Variants in PCDHA6 observed in about 807,000 individuals in gnomAD.
The protein encoded by PCDHA6 is protocadherin alpha 6, also known as protocadherin alpha-6.
A neutral mutation model predicts 60.3 loss-of-function variants in PCDHA6; 55 were observed. That is an observed-to-expected ratio of 0.91 (90% CI 0.73 to 1.14). The LOEUF (loss-of-function observed/expected upper bound fraction) is 1.14, where lower values mean the gene tolerates loss of function less well. Ranked by LOEUF, PCDHA6 falls within the 50% of genes most tolerant of loss-of-function variation. The pLI, the probability that PCDHA6 is intolerant of heterozygous loss-of-function variation, is 0.00. For synonymous variants in PCDHA6, 652 were observed against 557.9 expected, an observed-to-expected ratio of 1.17 and a Z score of -2.38; for missense variants, 1,327 against 1,256.5, an observed-to-expected ratio of 1.06 and a Z score of -0.85.
rs79336587 is a variant in PCDHA6 at position 140,997,550 on chromosome 5, C to T, written c.2543-12077C>T. Reference sequence around the variant, plus strand: ...ATAAAAATACATTATTATAATCTTACAGGACAACTGTCATATGTGTGGTCC... The same window carrying T: ...ATAAAAATACATTATTATAATCTTATAGGACAACTGTCATATGTGTGGTCC... On this transcript the variant is annotated intron_variant, in intron 3 of 3. Coordinates refer to ENST00000529310, the MANE Select transcript of PCDHA6 (RefSeq NM_018909.4). Among the ~76,000 whole-genome samples, 1,283 of 152,208 alleles carry T rather than the reference C, an allele frequency of 8.4e-3. 21 individuals carry two copies. The highest frequency in any genetic ancestry group is 0.029 in the African/African-American group (1,211 of 41,522).
intron 1 of PCDHA6, chr5:140,927,861 C>T (rs782305822): frequency 1.2e-6 from 2 of 1,614,042 alleles, no homozygotes; most frequent in East Asian, 2.2e-5. Context: ...TAGCTAGCAC[C>T]GCTAAACTGC....
rs1419215366 is a variant in PCDHA6, at chr5:141,010,888, T to G, written c.*951T>G. 2 of 153,748 alleles carry G rather than the reference T, an allele frequency of 1.3e-5. No homozygotes were observed. The highest frequency in any genetic ancestry group is 2.9e-5 in the Non-Finnish European group (2 of 68,032). The allele number at this position is 153,748 out of a possible 1,614,324, so 9.5% of individuals were successfully genotyped here. On this transcript the variant is annotated 3_prime_UTR_variant, in exon 4 of 4. Coordinates refer to ENST00000529310, the MANE Select transcript of PCDHA6 (RefSeq NM_018909.4). Reference sequence around the variant, plus strand: ...AGCTATAAATCTTTAAAGAGAAATATGAATACAATTCCCCTAAACTCTCCT... The same window carrying G: ...AGCTATAAATCTTTAAAGAGAAATAGGAATACAATTCCCCTAAACTCTCCT...
chr5:140,876,870 G>A (rs1278762768), intron 1 of PCDHA6: 2 of 1,614,000 alleles, frequency 1.2e-6, no homozygotes, highest in Non-Finnish European at 1.7e-6. Flanking sequence ...TCGTGAAGGA[G>A]AACAACCCGC....
rs2093299605 is a variant in PCDHA6 at position 140,942,442 on chromosome 5, TA to T, written c.2395-36504del. 4.0e-5 allele frequency among the ~76,000 whole-genome samples: 6 copies of T among 151,626 alleles called. No homozygotes were observed. In the South Asian group the frequency reaches 1.2e-3, roughly 31 times the overall value. ...AAAAAGATATCTAACAATAAACAAG[TA>T]AACTATCAATTATAATACAATCAAA... On this transcript the variant is annotated intron_variant, in intron 1 of 3. Coordinates refer to ENST00000529310, the MANE Select transcript of PCDHA6 (RefSeq NM_018909.4).
At position 140,856,900 on chromosome 5, in the gene PCDHA6, C is replaced by T. The variant is rs782598308; in HGVS notation, c.2394+26415C>T. On this transcript the variant is annotated intron_variant, in intron 1 of 3. Coordinates refer to ENST00000529310, the MANE Select transcript of PCDHA6 (RefSeq NM_018909.4). ...TGATGTATTCATTTAGCTCTTTGGT[C>T]CCACCCACGATAAGAAGGAAATTTT... The T allele has an allele frequency of 1.0e-5, 16 of 1,596,132 alleles. No homozygotes were observed. In the East Asian group the frequency reaches 2.7e-4, roughly 27 times the overall value.
chr5:140,875,356 G>A (rs2055432006), intron 1 of PCDHA6: 4 of 1,446,352 alleles, frequency 2.8e-6, no homozygotes, highest in East Asian at 2.5e-5. Context: ...TGACTGTGAT[G>A]CTGGAAAAAA....
chr5:140,900,840 T>A (rs6874218), intron 1 of PCDHA6, among the ~76,000 whole-genome samples: 3 of 151,950 alleles, frequency 2.0e-5, no homozygotes, highest in Non-Finnish European at 4.4e-5. Context: ...ATGTACAAAG[T>A]TTCCCTTTTT....
At position 140,829,584 on chromosome 5, in the gene PCDHA6, G is replaced by C. The variant is rs1198811288; in HGVS notation, c.1493G>C (p.Arg498Pro). ...GTGTCCTACTCGCTGGTGGAGCGGC[G>C]GGTGGGCGAGCGCGCGTTGTCGAGC... is the stretch of plus-strand genomic sequence containing the variant. ...ALVSYSLVERRVGERALSSYI... is the reference protein window; with the variant it reads ...ALVSYSLVERPVGERALSSYI... Residue 498 changes from arginine to proline, a missense_variant, in exon 1 of 4, where the codon CGG becomes CCG. Arg to Pro is a moderately radical substitution (Grantham distance 103, BLOSUM62 -2). Transcript: ENST00000529310. The C allele has an allele frequency of 4.3e-6, 7 of 1,612,242 alleles. No homozygotes were observed. In the East Asian group the frequency reaches 1.3e-4, roughly 31 times the overall value.
intron 3 of PCDHA6, among the ~76,000 whole-genome samples, chr5:141,007,690 C>T (rs2098341020): frequency 6.6e-6 from 1 of 152,224 alleles, no homozygotes; most frequent in Non-Finnish European, 1.5e-5. Flanking sequence ...CCTACTTCCA[C>T]CTCCCTCCTC....
At chr5:140,929,373 C>T (rs1563116244) in intron 1 of PCDHA6, 1 of 1,514,818 alleles carries the variant, frequency 6.6e-7, no homozygotes, top group Non-Finnish European at 8.8e-7. Context: ...GAGATGGCTG[C>T]TAGCTGTGTT....
chr5:140,835,741 C>T lies in PCDHA6; in HGVS notation c.2394+5256C>T, dbSNP rs2150243716. ...GTGGCCGACGTGAACGACAACGCCC[C>T]GGCGTTCGCGCAGCCCGAGTATACG... is the stretch of plus-strand genomic sequence containing the variant. On this transcript the variant is annotated intron_variant, in intron 1 of 3. Coordinates refer to ENST00000529310, the MANE Select transcript of PCDHA6 (RefSeq NM_018909.4). 4.3e-6 allele frequency: 7 copies of T among 1,613,704 alleles called. No homozygotes were observed. In the East Asian group the frequency reaches 6.7e-5, roughly 15 times the overall value.
chr5:140,919,867 G>A (rs2079334985), intron 1 of PCDHA6, among the ~76,000 whole-genome samples: 1 of 152,178 alleles, frequency 6.6e-6, no homozygotes, highest in Non-Finnish European at 1.5e-5. Context: ...TTGGAAATAA[G>A]TCTTTGAAGA....
chr5:140,924,909 AAT>A (rs1563069038), intron 1 of PCDHA6, among the ~76,000 whole-genome samples: 1,502 of 66,200 alleles, frequency 0.023, 33 homozygotes, highest in African/African-American at 0.07. Context: ...AAAAAAATAA[AAT>A]AAAATAAAAT....
chr5:140,830,418 T>C lies in PCDHA6; in HGVS notation c.2327T>C (p.Leu776Pro). The C allele has an allele frequency of 1.9e-6, 3 of 1,614,030 alleles. No individual in the cohort carries two copies. Among genetic ancestry groups the C allele is most frequent in the Non-Finnish European group, 2.5e-6 (3 of 1,179,896 alleles). Residue 776 changes from leucine to proline, a missense_variant, in exon 1 of 4, where the codon CTT becomes CCT. Coordinates refer to ENST00000529310, the MANE Select transcript of PCDHA6 (RefSeq NM_018909.4). ...GATCTCATGGCCTTTAGCCCCAGCC[T>C]TTCACCTTGTCCTATTATGATGGGT... ...KMDLMAFSPS[L>P]SPCPIMMGKA...
At position 140,925,553 on chromosome 5, in the gene PCDHA6, A is replaced by G. The variant is rs183194732; in HGVS notation, c.2395-53396A>G. 8.0e-3 allele frequency among the ~76,000 whole-genome samples: 1,211 copies of G among 152,074 alleles called. 7 individuals carry two copies. The highest frequency in any genetic ancestry group is 0.019 in the African/African-American group (785 of 41,482). On this transcript the variant is annotated intron_variant, in intron 1 of 3. Transcript: ENST00000529310. The stretch of plus-strand genomic sequence containing the variant: ...AGGAGAAATACCTAATGTAAATGAC[A>G]AGTTAATGGGTGCAGCACACCAACA...
intron 1 of PCDHA6, chr5:140,927,902 C>T (rs782319959): frequency 1.5e-5 from 25 of 1,614,182 alleles, no homozygotes; most frequent in Non-Finnish European, 2.1e-5. Flanking sequence ...AACGATCATG[C>T]CCCCGAACTG....
intron 1 of PCDHA6, chr5:140,875,748 C>T (rs2055764549): frequency 6.2e-7 from 1 of 1,614,078 alleles, no homozygotes; most frequent in South Asian, 1.1e-5. Flanking sequence ...GGATCGACCG[C>T]GAGAAGCTGT....
chr5:140,973,923 C>T (rs1157032594), intron 1 of PCDHA6, among the ~76,000 whole-genome samples: 1 of 152,170 alleles, frequency 6.6e-6, no homozygotes, highest in African/African-American at 2.4e-5. Flanking sequence ...TCACCAAACC[C>T]AGAGGTTTAG....
Position 140,877,146 on chromosome 5 carries a change from G to A in PCDHA6, c.2394+46661G>A, listed in dbSNP as rs781819140. The A allele has an allele frequency of 1.9e-6, 3 of 1,613,818 alleles. No individual in the cohort carries two copies. In the East Asian group the frequency reaches 6.7e-5, roughly 36 times the overall value. On this transcript the variant is annotated intron_variant, in intron 1 of 3. Coordinates refer to ENST00000529310, the MANE Select transcript of PCDHA6 (RefSeq NM_018909.4). ...CGCTGCAGGTGTTCGTGCTGGACGA[G>A]AACGACAACGCGCCGGCACTGCTGG...
Sources: gnomAD v4.1 joint callset for allele counts (sites outside exome capture counted in the v4.1 genomes callset) on GRCh38, gnomAD v4.1.1 for gene constraint, MANE v1.5 for transcripts, NCBI Gene and HGNC (gene_info 2026-07-23, HGNC 2026-07-21) for gene names.